The following CHSY3 variants were observed in gnomAD, a reference collection of about 807,000 sequenced individuals.
The protein encoded by CHSY3 is chondroitin sulfate synthase 3, also known as N-acetylgalactosaminyl-proteoglycan 3-beta-glucuronosyltransferase 3.
CHSY3 carries 35 observed loss-of-function variants against 67.2 expected under a neutral mutation model. The ratio of observed to expected loss-of-function variants is 0.52; its 90% CI spans 0.40 to 0.69. The LOEUF (loss-of-function observed/expected upper bound fraction) is 0.69, where lower values mean the gene tolerates loss of function less well. Ranked by LOEUF, CHSY3 falls within the 30% of genes least tolerant of loss-of-function variation. The probability of loss-of-function intolerance (pLI) is 0.00; values close to 1 mark genes in which losing one functional copy is unlikely to be tolerated. For missense variants in CHSY3, 1,069 were observed against 1,138.5 expected (o/e 0.94, Z 0.88); for synonymous variants, 474 against 434.7 (o/e 1.09, Z -1.12).
intron 2 of CHSY3, among the ~76,000 whole-genome samples, chr5:130,022,759 C>T (rs1190470661): frequency 6.6e-6 from 1 of 151,688 alleles, no homozygotes; most frequent in African/African-American, 2.4e-5. Flanking sequence ...TGCTAACTTG[C>T]CTGTTATTTT....
At chr5:130,158,248 G>A (rs183660301) in intron 2 of CHSY3, among the ~76,000 whole-genome samples, 4 of 152,140 alleles carry the variant, frequency 2.6e-5, no homozygotes, top group East Asian at 1.9e-4. Flanking sequence ...AGATGGAGTC[G>A]CTCTGGTTCA....
At chr5:129,999,700 C>T (rs1432686730) in intron 2 of CHSY3, among the ~76,000 whole-genome samples, 5 of 152,090 alleles carry the variant, frequency 3.3e-5, no homozygotes, top group Non-Finnish European at 5.9e-5. Flanking sequence ...TGCTTTCCTT[C>T]CTTTGGGAAT....
intron 2 of CHSY3, among the ~76,000 whole-genome samples, chr5:130,039,019 A>C (rs571330072): frequency 9.0e-4 from 137 of 152,284 alleles, no homozygotes; most frequent in African/African-American, 3.2e-3. Context: ...AGTTCCTCAA[A>C]AATTATTAGA....
chr5:130,077,153 CGAAA>C (rs1210201608), intron 2 of CHSY3, among the ~76,000 whole-genome samples: 1 of 150,356 alleles, frequency 6.7e-6, no homozygotes, highest in Admixed American at 6.6e-5. Flanking sequence ...TTGTAAACTA[CGAAA>C]GAGAGTGACA....
At chr5:129,986,962 A>G (rs1281154498) in intron 2 of CHSY3, among the ~76,000 whole-genome samples, 3 of 152,140 alleles carry the variant, frequency 2.0e-5, no homozygotes, top group Non-Finnish European at 4.4e-5. Context: ...CTTATTAATG[A>G]CTTTTCTTTG....
chr5:129,987,077 T>C (rs964544034), intron 2 of CHSY3, among the ~76,000 whole-genome samples: 14 of 152,348 alleles, frequency 9.2e-5, no homozygotes, highest in African/African-American at 3.4e-4. Flanking sequence ...TTTGTTTCAT[T>C]AAAGTTCCTT....
At chr5:130,158,265 C>T (rs1363252445) in intron 2 of CHSY3, among the ~76,000 whole-genome samples, 1 of 152,168 alleles carries the variant, frequency 6.6e-6, no homozygotes, top group Non-Finnish European at 1.5e-5. Context: ...TTCACAAACA[C>T]CTCTGACAAT....
At chr5:130,028,635 C>G (rs1171449329) in intron 2 of CHSY3, among the ~76,000 whole-genome samples, 2 of 152,070 alleles carry the variant, frequency 1.3e-5, no homozygotes. Flanking sequence ...TCTCACATAA[C>G]TGAAAAGTAT....
chr5:130,078,817 G>A (rs1421071745), intron 2 of CHSY3, among the ~76,000 whole-genome samples: 1 of 152,168 alleles, frequency 6.6e-6, no homozygotes, highest in Non-Finnish European at 1.5e-5. Flanking sequence ...GAAGAAGACA[G>A]GCAGCTGTTG....
intron 2 of CHSY3, among the ~76,000 whole-genome samples, chr5:129,963,087 CG>C (rs1446502705): frequency 2.6e-5 from 4 of 151,612 alleles, no homozygotes; most frequent in African/African-American, 9.7e-5. Context: ...AACTTGTAAT[CG>C]GTCTAGCAAA....
At position 130,160,917 on chromosome 5, in the gene CHSY3, T is replaced by A. The variant is rs535417787; in HGVS notation, c.1087-23312T>A. The stretch of plus-strand genomic sequence containing the variant: ...TTTATTTTTTTTTTTTTATTTTTTT[T>A]TTTTTGAGACGGAGTCTCACTTTGT... On this transcript the variant is annotated intron_variant, in intron 2 of 2. Coordinates refer to ENST00000305031, the MANE Select transcript of CHSY3 (RefSeq NM_175856.5). Among the ~76,000 whole-genome samples, 256 of 150,112 alleles carry A rather than the reference T, an allele frequency of 1.7e-3. 1 individual carries two copies. The highest frequency in any genetic ancestry group is 6.1e-3 in the African/African-American group (249 of 40,768).
intron 2 of CHSY3, among the ~76,000 whole-genome samples, chr5:130,142,957 T>C (rs1483361806): frequency 6.6e-6 from 1 of 152,218 alleles, no homozygotes; most frequent in Non-Finnish European, 1.5e-5. Flanking sequence ...ACATTAATAA[T>C]GTATCTGGTA....
chr5:130,089,578 C>T (rs1766804575), intron 2 of CHSY3, among the ~76,000 whole-genome samples: 1 of 151,972 alleles, frequency 6.6e-6, no homozygotes, highest in Non-Finnish European at 1.5e-5. Flanking sequence ...CTATTTGTGA[C>T]AGGAGAAACA....
chr5:129,908,257 A>C lies in CHSY3; in HGVS notation c.983A>C (p.His328Pro), dbSNP rs1269910577. ...SREVLRRMVPHIGECLREMYT... is the reference protein window; with the variant it reads ...SREVLRRMVPPIGECLREMYT... ...GAAGTTCTCAGGAGGATGGTGCCACATATTGGTGAATGCCTTAGAGAAATG... is the reference window on the plus strand; with the variant it reads ...GAAGTTCTCAGGAGGATGGTGCCACCTATTGGTGAATGCCTTAGAGAAATG... The change falls in exon 2 of 3, where the codon CAT becomes CCT. Residue 328 changes from histidine (H) to proline (P), a missense_variant. This residue lies in a region of CHSY3 where 216 missense variants were observed against 311.5 expected (regional missense o/e 0.69). Transcript: ENST00000305031. 2.5e-6 allele frequency: 4 copies of C among 1,614,142 alleles called. No individual in the cohort carries two copies. The highest frequency in any genetic ancestry group is 3.4e-6 in the Non-Finnish European group (4 of 1,180,040).
chr5:130,144,747 C>T (rs1769020121), intron 2 of CHSY3, among the ~76,000 whole-genome samples: 1 of 152,134 alleles, frequency 6.6e-6, no homozygotes, highest in African/African-American at 2.4e-5. Context: ...CACTGCCTGA[C>T]TTCAAAATAT....
chr5:130,088,846 A>G (rs1160188501), intron 2 of CHSY3, among the ~76,000 whole-genome samples: 1 of 152,132 alleles, frequency 6.6e-6, no homozygotes, highest in Non-Finnish European at 1.5e-5. Context: ...TAGAAATACC[A>G]TTTGACCCAG....
intron 2 of CHSY3, among the ~76,000 whole-genome samples, chr5:130,145,889 A>G (rs369556178): frequency 1.1e-3 from 170 of 152,314 alleles, no homozygotes; most frequent in African/African-American, 3.9e-3. Context: ...ATGCAAATCA[A>G]TACCACAATG....
chr5:130,049,301 A>T (rs1272059812), intron 2 of CHSY3, among the ~76,000 whole-genome samples: 1 of 152,142 alleles, frequency 6.6e-6, no homozygotes, highest in Non-Finnish European at 1.5e-5. Context: ...AGATATTTTT[A>T]AAAATTCTTT....
At chr5:130,128,439 A>G (rs1231854178) in intron 2 of CHSY3, among the ~76,000 whole-genome samples, 1 of 152,114 alleles carries the variant, frequency 6.6e-6, no homozygotes, top group African/African-American at 2.4e-5. Flanking sequence ...ATAAACACCT[A>G]GTGATCCCAC....
Sources: allele counts gnomAD v4.1 joint callset (sites outside exome capture counted in the v4.1 genomes callset), GRCh38; gene constraint gnomAD v4.1.1; regional missense constraint gnomAD v4.1.1; transcripts MANE v1.5; gene names NCBI Gene and HGNC (gene_info 2026-07-23, HGNC 2026-07-21).